CCDC175: variants seen among roughly 807,000 people sequenced by gnomAD.
CCDC175 encodes coiled-coil domain containing 175.
Under a neutral mutation model 114.6 loss-of-function variants are expected in CCDC175, and 100 were observed. The ratio of observed to expected loss-of-function variants is 0.87; its 90% CI spans 0.74 to 1.03. The LOEUF is 1.03. CCDC175 is among the 50% of genes least tolerant of loss of function. The pLI is 0.00. For missense variants in CCDC175, 880 were observed against 917.8 expected (o/e 0.96, Z 0.53); for synonymous variants, 306 against 308.7 (o/e 0.99, Z 0.09).
chr14:59,565,292 G>C lies in CCDC175; in HGVS notation c.492-17C>G. On this transcript the variant is annotated splice_polypyrimidine_tract_variant and intron_variant, in intron 4 of 19. Coordinates refer to ENST00000537690, the MANE Select transcript of CCDC175 (RefSeq NM_001164399.2). ...TGCTTCTCCCTGGGAGGAAAGAATT[G>C]CTCACAGAGTGAGAAGCACAGCTCC... 1 of 1,525,758 alleles carries C rather than the reference G, an allele frequency of 6.6e-7. No homozygotes were observed. Among genetic ancestry groups the C allele is most frequent in the Non-Finnish European group, 8.8e-7 (1 of 1,139,060 alleles). 94.5% of individuals were successfully genotyped at this position (1,525,758 alleles called of 1,614,324 possible).
rs1001005317 is a variant in CCDC175, at chr14:59,563,686, T to C, written c.843+51A>G. 2.6e-5 allele frequency: 30 copies of C among 1,154,548 alleles called. No homozygotes were observed. In the African/African-American group the frequency reaches 3.7e-4, roughly 14 times the overall value. The allele number at this position is 1,154,548 out of a possible 1,614,324, so 71.5% of individuals were successfully genotyped here. A position where few individuals can be genotyped will look rare whatever the true frequency, so the allele number is the denominator to read the frequency against. On this transcript the variant is annotated intron_variant, in intron 6 of 19. Transcript: ENST00000537690. ...TGAATTACAATCAACTCCTTTTTTATTGAGGTGCCTAGATAAGGCTTAAAA... is the reference window on the plus strand; with the variant it reads ...TGAATTACAATCAACTCCTTTTTTACTGAGGTGCCTAGATAAGGCTTAAAA...
chr14:59,521,259 C>T (rs145769131), intron 17 of CCDC175, among the ~76,000 whole-genome samples: 22 of 152,268 alleles, frequency 1.4e-4, no homozygotes, highest in Non-Finnish European at 2.5e-4. Flanking sequence ...TTCCTGCCCT[C>T]GAACATTGGA....
At chr14:59,513,748 T>C (rs976231155) in intron 17 of CCDC175, among the ~76,000 whole-genome samples, 3 of 152,182 alleles carry the variant, frequency 2.0e-5, no homozygotes. Flanking sequence ...GGGCAGGGCA[T>C]TGCCAAACAA....
intron 11 of CCDC175, among the ~76,000 whole-genome samples, chr14:59,539,894 C>T (rs746897044): frequency 1.3e-5 from 2 of 151,916 alleles, no homozygotes; most frequent in African/African-American, 2.4e-5. Context: ...AGTGAGAGTC[C>T]GTCTCAAAAA....
intron 4 of CCDC175, among the ~76,000 whole-genome samples, chr14:59,566,027 C>T (rs1896518770): frequency 6.6e-6 from 1 of 152,124 alleles, no homozygotes; most frequent in Non-Finnish European, 1.5e-5. Flanking sequence ...ATGCTATAGC[C>T]CTGCAGGCAG....
intron 13 of CCDC175, among the ~76,000 whole-genome samples, chr14:59,535,877 A>G (rs891523384): frequency 6.6e-5 from 10 of 152,096 alleles, no homozygotes; most frequent in Admixed American, 2.0e-4. Context: ...CTTCAGGGTC[A>G]GCTCAGCTAT....
chr14:59,552,444 C>A (rs1895577504), intron 7 of CCDC175, among the ~76,000 whole-genome samples: 1 of 152,158 alleles, frequency 6.6e-6, no homozygotes, highest in African/African-American at 2.4e-5. Context: ...ACAGAAAGGA[C>A]ATCCACACCA....
chr14:59,525,172 G>T, intron 16 of CCDC175, 110 bp downstream of exon 16: 1 of 821,182 alleles, frequency 1.2e-6, no homozygotes, highest in Non-Finnish European at 1.7e-6. Context: ...TGTACTTTAT[G>T]CTCCATTAAA....
intron 17 of CCDC175, among the ~76,000 whole-genome samples, chr14:59,518,012 T>C (rs1180572109): frequency 1.3e-5 from 2 of 152,028 alleles, no homozygotes; most frequent in Non-Finnish European, 2.9e-5. Flanking sequence ...TCAGAAATAA[T>C]GCCGCATATC....
At chr14:59,554,961 G>T (rs958342002) in intron 7 of CCDC175, among the ~76,000 whole-genome samples, 3 of 152,290 alleles carry the variant, frequency 2.0e-5, no homozygotes, top group African/African-American at 7.2e-5. Flanking sequence ...CTCTGAAAGT[G>T]AGGCAATAAT....
intron 7 of CCDC175, among the ~76,000 whole-genome samples, chr14:59,560,155 ATTT>A (rs1329084101): frequency 6.6e-6 from 1 of 152,084 alleles, no homozygotes; most frequent in Non-Finnish European, 1.5e-5. Context: ...ATTATTGCCT[ATTT>A]TATGAACTGA....
intron 8 of CCDC175, among the ~76,000 whole-genome samples, chr14:59,549,881 A>G (rs1409212720): frequency 6.6e-6 from 1 of 152,080 alleles, no homozygotes; most frequent in Admixed American, 6.5e-5. Context: ...ATTTGTGTGT[A>G]TAAGTAATTA....
At chr14:59,571,995 AT>A (rs1303141119) in intron 3 of CCDC175, among the ~76,000 whole-genome samples, 1 of 152,200 alleles carries the variant, frequency 6.6e-6, no homozygotes, top group Non-Finnish European at 1.5e-5. Flanking sequence ...TCAATGAAGC[AT>A]TTCAGATTTA....
chr14:59,513,965 A>G (rs1892903754), intron 17 of CCDC175, among the ~76,000 whole-genome samples: 1 of 152,136 alleles, frequency 6.6e-6, no homozygotes, highest in South Asian at 2.1e-4. Flanking sequence ...CTCTGAGACA[A>G]AACTTCCAGA....
chr14:59,556,162 A>G (rs1895887651), intron 7 of CCDC175, among the ~76,000 whole-genome samples: 1 of 152,200 alleles, frequency 6.6e-6, no homozygotes, highest in African/African-American at 2.4e-5. Context: ...AGTCAATCCT[A>G]AGCCAAAAGA....
chr14:59,534,394 G>C lies in CCDC175; in HGVS notation c.1624-2484C>G, dbSNP rs113722808. On this transcript the variant is annotated intron_variant, in intron 13 of 19. Coordinates refer to ENST00000537690, the MANE Select transcript of CCDC175 (RefSeq NM_001164399.2). ...TGAAGGTGGAGCGTTGGAAAAGAGA[G>C]ACCAATGCAGATTCCAGTCCACCCT... is the stretch of plus-strand genomic sequence containing the variant. Among the ~76,000 whole-genome samples the C allele has an allele frequency of 2.1e-3, 318 of 152,338 alleles. 1 individual carries two copies. Among genetic ancestry groups the C allele is most frequent in the African/African-American group, 6.9e-3 (285 of 41,564 alleles).
At chr14:59,540,212 G>A (rs567867789) in intron 11 of CCDC175, among the ~76,000 whole-genome samples, 11 of 152,186 alleles carry the variant, frequency 7.2e-5, no homozygotes, top group African/African-American at 2.6e-4. Context: ...ACTTTATAAG[G>A]TAGATACTGT....
At chr14:59,575,115 C>T (rs1345682262) in intron 1 of CCDC175, 87 bp from the exon 2 acceptor site, 13 of 653,276 alleles carry the variant, frequency 2.0e-5, no homozygotes, top group Non-Finnish European at 3.2e-5. Flanking sequence ...AATGCTTACT[C>T]GGCTGGAAGT....
chr14:59,538,180 T>A, intron 12 of CCDC175, 26 bp from the exon 13 acceptor site: 2 of 1,524,618 alleles, frequency 1.3e-6, no homozygotes, highest in Non-Finnish European at 1.8e-6. Context: ...TAAGAATTTG[T>A]CATTTCTCTT....
Sources: allele counts gnomAD v4.1 joint callset (sites outside exome capture counted in the v4.1 genomes callset), GRCh38; gene constraint gnomAD v4.1.1; transcripts MANE v1.5; gene names NCBI Gene and HGNC (gene_info 2026-07-23, HGNC 2026-07-21).